Variants in PLEKHG4B observed in about 807,000 individuals in gnomAD.
PLEKHG4B encodes pleckstrin homology domain-containing family G member 4B.
In PLEKHG4B, 111 loss-of-function variants were observed where a neutral mutation model predicts 121.3. The ratio of observed to expected loss-of-function variants is 0.92; its 90% CI spans 0.78 to 1.07. The LOEUF (loss-of-function observed/expected upper bound fraction) is 1.07, where lower values mean the gene tolerates loss of function less well. PLEKHG4B is among the 50% of genes least tolerant of loss of function. The probability of loss-of-function intolerance (pLI) is 0.00; values close to 1 mark genes in which losing one functional copy is unlikely to be tolerated. For synonymous variants in PLEKHG4B, 738 were observed against 725.0 expected (o/e 1.02, Z -0.29); for missense variants, 1,831 against 1,757.8 (o/e 1.04, Z -0.74).
intron 1 of PLEKHG4B, among the ~76,000 whole-genome samples, chr5:101,418 C>T (rs530247453): frequency 2.5e-5 from 3 of 122,258 alleles, no homozygotes; most frequent in South Asian, 2.4e-4. Context: ...AGGGGAGAGA[C>T]TGTTGTGAGG....
At chr5:133,245 C>G (rs559355327) in intron 2 of PLEKHG4B, among the ~76,000 whole-genome samples, 1 of 152,014 alleles carries the variant, frequency 6.6e-6, no homozygotes. Context: ...AATTTTGTGT[C>G]CTGAAACTTT....
chr5:139,611 G>A lies in PLEKHG4B; in HGVS notation c.372G>A (p.Thr124=), dbSNP rs190326365. The A allele has an allele frequency of 5.0e-5, 20 of 398,898 alleles. No homozygotes were observed. The highest frequency in any genetic ancestry group is 6.3e-4 in the Middle Eastern group (1 of 1,588). The allele number at this position is 398,898 out of a possible 1,614,324, so 24.7% of individuals were successfully genotyped here. ...LQPGDFYLQV[T]SAGKQSARLV... is the part of the protein sequence containing the mutation. The stretch of plus-strand genomic sequence containing the variant: ...CCGGGGACTTCTACCTGCAGGTCAC[G>A]TCGGCGGGGAAGCAGTCAGCTAGAC... The change falls in exon 3 of 20, where the codon ACG becomes ACA. Residue 124 remains threonine, a synonymous_variant. Transcript: ENST00000637938. The surrounding 1 kb of genome is among the most constrained non-coding windows in gnomAD (Gnocchi z 5.0).
At position 181,525 on chromosome 5, in the gene PLEKHG4B, C is replaced by T; in HGVS notation, c.4414C>T (p.Gln1472Ter). ...QALKSRELRI[Q>*]EMASMGIGNQ... is the part of the protein sequence containing the mutation. ...TTCTTCTGTCTTAGAACTCAGAATCCAAGAAATGGCATCCATGGGTATAGG... is the reference window on the plus strand; with the variant it reads ...TTCTTCTGTCTTAGAACTCAGAATCTAAGAAATGGCATCCATGGGTATAGG... Residue 1472 changes from glutamine (Q) to a stop codon, truncating the protein, a stop_gained, in exon 19 of 20, where the codon CAA becomes TAA. Transcript: ENST00000637938. LOFTEE classifies it high-confidence loss of function. 1 of 1,613,316 alleles carries T rather than the reference C, an allele frequency of 6.2e-7. No homozygotes were observed. Among genetic ancestry groups the T allele is most frequent in the African/African-American group, 1.3e-5 (1 of 75,004 alleles).
chr5:176,772 C>T (rs1054953114), intron 18 of PLEKHG4B, among the ~76,000 whole-genome samples: 1 of 152,216 alleles, frequency 6.6e-6, no homozygotes, highest in Non-Finnish European at 1.5e-5. Context: ...ACTTACAGTT[C>T]CCACAGCGTT....
rs557265540 is a variant in PLEKHG4B, at chr5:157,618, G to A, written c.2487+707G>A. On this transcript the variant is annotated intron_variant, in intron 11 of 19. Coordinates refer to ENST00000637938, the MANE Select transcript of PLEKHG4B (RefSeq NM_052909.5). The surrounding 1 kb of genome is among the most constrained non-coding windows in gnomAD (Gnocchi z 4.6). ...ATTGCTTAGCTCGGGGGGCACCAGC[G>A]AAATGATTGCTTAGCTCAGGGGTGC... 1.3e-5 allele frequency among the ~76,000 whole-genome samples: 2 copies of A among 152,256 alleles called. No individual in the cohort carries two copies. Among genetic ancestry groups the A allele is most frequent in the East Asian group, 1.9e-4 (1 of 5,184 alleles).
rs185411154 is a variant in PLEKHG4B at position 176,866 on chromosome 5, C to T, written c.4402+2768C>T. ...CACAGGGTACGCACACAGGACTCTG[C>T]CTGGGCCTGGGGCTGTGGGGCCTGG... On this transcript the variant is annotated intron_variant, in intron 18 of 19. Transcript: ENST00000637938. Among the ~76,000 whole-genome samples the T allele has an allele frequency of 1.8e-3, 281 of 152,330 alleles. 1 individual carries two copies. The highest frequency in any genetic ancestry group is 6.4e-3 in the African/African-American group (265 of 41,562).
intron 2 of PLEKHG4B, among the ~76,000 whole-genome samples, chr5:134,117 A>ATG: frequency 8.7e-6 from 1 of 115,340 alleles, no homozygotes; most frequent in South Asian, 2.7e-4. Context: ...ATATATATAT[A>ATG]TATATGTGAT....
chr5:154,279 C>T (rs1031754326), intron 7 of PLEKHG4B, among the ~76,000 whole-genome samples: 1 of 152,212 alleles, frequency 6.6e-6, no homozygotes, highest in Admixed American at 6.5e-5. Context: ...GCTTGGATTA[C>T]AGGCATGAGC....
intron 2 of PLEKHG4B, among the ~76,000 whole-genome samples, chr5:119,179 C>CT (rs1310281447): frequency 3.3e-5 from 5 of 152,050 alleles, no homozygotes; most frequent in Admixed American, 6.6e-5. Context: ...GTACATGTAG[C>CT]TTACTAGGAT....
intron 2 of PLEKHG4B, among the ~76,000 whole-genome samples, chr5:136,944 G>A (rs1735002096): frequency 6.6e-6 from 1 of 152,194 alleles, no homozygotes; most frequent in Non-Finnish European, 1.5e-5. Context: ...CAGACAAAAG[G>A]TGGAAACAAC....
intron 1 of PLEKHG4B, among the ~76,000 whole-genome samples, chr5:101,801 T>A (rs868422514): frequency 1.3e-3 from 145 of 110,246 alleles, no homozygotes; most frequent in African/African-American, 5.0e-3. Flanking sequence ...GTTGTGAGGT[T>A]AATCCATATA....
chr5:94,439 G>C (rs1219497522), intron 1 of PLEKHG4B, among the ~76,000 whole-genome samples: 4 of 152,108 alleles, frequency 2.6e-5, no homozygotes, highest in Non-Finnish European at 5.9e-5. Flanking sequence ...CTTCTGAGCA[G>C]GGGGAGAGTG....
At chr5:109,397 CAAAAA>C (rs34972342) in intron 1 of PLEKHG4B, among the ~76,000 whole-genome samples, 9 of 61,822 alleles carry the variant, frequency 1.5e-4, no homozygotes, top group African/African-American at 5.4e-4. Context: ...ACTCTGTCTC[CAAAAA>C]AAAAAAAAAA....
At chr5:123,630 A>G (rs536566444) in intron 2 of PLEKHG4B, among the ~76,000 whole-genome samples, 40 of 152,276 alleles carry the variant, frequency 2.6e-4, no homozygotes, top group South Asian at 8.3e-4. Context: ...ATTAATCTAG[A>G]TTATCCAATT....
chr5:110,916 G>C (rs749284918), intron 1 of PLEKHG4B, among the ~76,000 whole-genome samples: 2 of 152,282 alleles, frequency 1.3e-5, no homozygotes, highest in Non-Finnish European at 2.9e-5. Context: ...AAGAAATTGG[G>C]CTGAGCTGGT....
In PLEKHG4B at chr5:113,335, T is replaced by C. The variant is rs777274753; in HGVS notation, c.130T>C (p.Trp44Arg). 8 of 399,032 alleles carry C rather than the reference T, an allele frequency of 2.0e-5. No individual in the cohort carries two copies. Among genetic ancestry groups the C allele is most frequent in the Non-Finnish European group, 3.5e-5 (8 of 226,140 alleles). 24.7% of individuals were successfully genotyped at this position (399,032 alleles called of 1,614,324 possible). ...TGAAGCCACGGCAGCCACGGTGCTC[T>C]GGCAGCTGTTCAGCGTGGCCGAGAG... ...PFEATAATVLWQLFSVAERCH... is the reference protein window; with the variant it reads ...PFEATAATVLRQLFSVAERCH... The change falls in exon 2 of 20, where the codon TGG (tryptophan) becomes CGG (arginine). Residue 44 changes from tryptophan (W) to arginine (R), a missense_variant. By Grantham distance (101) the Trp-to-Arg change is moderately radical. Coordinates refer to ENST00000637938, the MANE Select transcript of PLEKHG4B (RefSeq NM_052909.5). This position sits in a 1 kb window ranked among gnomAD's most constrained non-coding sequence, Gnocchi z 5.2.
rs1733426163 is a variant in PLEKHG4B, at chr5:182,147, G to A, written c.4708G>A (p.Val1570Met). Reference protein sequence around the residue: ...SSILGSLGLLVSSSPAHPGLW... With the variant: ...SSILGSLGLLMSSSPAHPGLW... ...CATCCTGGGGTCGCTGGGCCTGCTTGTGTCCTCCAGCCCAGCCCACCCGGG... is the reference window on the plus strand; with the variant it reads ...CATCCTGGGGTCGCTGGGCCTGCTTATGTCCTCCAGCCCAGCCCACCCGGG... Residue 1570 changes from valine to methionine, a missense_variant, in exon 20 of 20, where the codon GTG becomes ATG. Coordinates refer to ENST00000637938, the MANE Select transcript of PLEKHG4B (RefSeq NM_052909.5). 1.9e-6 allele frequency: 3 copies of A among 1,614,034 alleles called. No homozygotes were observed. The highest frequency in any genetic ancestry group is 2.7e-5 in the African/African-American group (2 of 75,052).
chr5:182,393 T>C lies in PLEKHG4B; in HGVS notation c.*70T>C, dbSNP rs1733438871. ...AGAGGGAGCAGCACGCCAGGCCTGATGACTCTGGGGGTGGCGGTGCCCATC... is the reference window on the plus strand; with the variant it reads ...AGAGGGAGCAGCACGCCAGGCCTGACGACTCTGGGGGTGGCGGTGCCCATC... On this transcript the variant is annotated 3_prime_UTR_variant, in exon 20 of 20. Transcript: ENST00000637938. 3.4e-6 allele frequency: 5 copies of C among 1,470,188 alleles called. No individual in the cohort carries two copies. In the East Asian group the frequency reaches 1.2e-4, roughly 37 times the overall value. The allele number at this position is 1,470,188 out of a possible 1,614,324, so 91.1% of individuals were successfully genotyped here. A position where few individuals can be genotyped will look rare whatever the true frequency, so the allele number is the denominator to read the frequency against.
intron 2 of PLEKHG4B, among the ~76,000 whole-genome samples, chr5:125,403 A>C (rs924008915): frequency 1.4e-4 from 22 of 152,154 alleles, no homozygotes; most frequent in African/African-American, 5.3e-4. Context: ...ATTATCCTAA[A>C]GTTATAACAC....
Sources: gnomAD v4.1 joint callset for allele counts (sites outside exome capture counted in the v4.1 genomes callset) on GRCh38, gnomAD v4.1.1 for gene constraint, Gnocchi (gnomAD v3.1) non-coding constraint, MANE v1.5 for transcripts, NCBI Gene and HGNC (gene_info 2026-07-23, HGNC 2026-07-21) for gene names.